The following FGGY variants were observed in gnomAD, a reference collection of about 807,000 sequenced individuals.
The protein encoded by FGGY is FGGY carbohydrate kinase domain-containing protein.
FGGY carries 72 observed loss-of-function variants against 71.3 expected under a neutral mutation model. The ratio of observed to expected loss-of-function variants is 1.01; its 90% CI spans 0.84 to 1.23. The LOEUF (loss-of-function observed/expected upper bound fraction) is 1.23, where lower values mean the gene tolerates loss of function less well. Among genes scored for constraint, FGGY ranks in the 50% most tolerant of loss-of-function variants. The probability of loss-of-function intolerance (pLI) is 0.00; values close to 1 mark genes in which losing one functional copy is unlikely to be tolerated. For missense variants in FGGY, 668 were observed against 682.3 expected (o/e 0.98, Z 0.23); for synonymous variants, 251 against 250.3 (o/e 1.00, Z -0.02).
chr1:59,530,486 G>A lies in FGGY; in HGVS notation c.799+18047G>A, dbSNP rs189307633. Among the ~76,000 whole-genome samples the A allele has an allele frequency of 1.8e-3, 278 of 152,240 alleles. 5 individuals are homozygous for A. In the South Asian group the frequency reaches 0.033, roughly 18 times the overall value. Reference sequence around the variant, plus strand: ...GGACAAACAGGCAAGTAAGCCATCCGAGTATGATGTGGAAAGTGTCTGATA... The same window carrying A: ...GGACAAACAGGCAAGTAAGCCATCCAAGTATGATGTGGAAAGTGTCTGATA... On this transcript the variant is annotated intron_variant, in intron 7 of 15. Coordinates refer to ENST00000303721, the MANE Select transcript of FGGY (RefSeq NM_018291.5).
At chr1:59,626,498 A>T (rs904312159) in intron 10 of FGGY, 2 of 153,344 alleles carry the variant, frequency 1.3e-5, no homozygotes, top group African/African-American at 4.8e-5. Flanking sequence ...TTTACGATAT[A>T]CTCCCTTTCA....
At chr1:59,368,056 T>A (rs2056877424) in intron 4 of FGGY, among the ~76,000 whole-genome samples, 1 of 152,210 alleles carries the variant, frequency 6.6e-6, no homozygotes, top group South Asian at 2.1e-4. Flanking sequence ...TAGTTTTTGT[T>A]AGTTGCCTGG....
rs768367013 is a variant in FGGY at position 59,457,061 on chromosome 1, A to T, written c.655A>T (p.Asn219Tyr). The part of the protein sequence containing the change: ...MIGLEDFVAD[N>Y]YSKIGNQVLP... ...TGGTTTGGAAGACTTTGTTGCAGAT[A>T]ATTACAGCAAAATAGGTAAAAGAAT... The change falls in exon 6 of 16, where the codon AAT (asparagine) becomes TAT (tyrosine). Residue 219 changes from asparagine to tyrosine, a missense_variant. Asn to Tyr is a moderately radical substitution (Grantham distance 143). Coordinates refer to ENST00000303721, the MANE Select transcript of FGGY (RefSeq NM_018291.5). The T allele has an allele frequency of 6.2e-7, 1 of 1,612,232 alleles. No homozygotes were observed. The highest frequency in any genetic ancestry group is 2.2e-5 in the East Asian group (1 of 44,856).
At chr1:59,688,397 A>G (rs2097562322) in intron 14 of FGGY, among the ~76,000 whole-genome samples, 1 of 152,236 alleles carries the variant, frequency 6.6e-6, no homozygotes, top group Non-Finnish European at 1.5e-5. Flanking sequence ...TGGGACTTAT[A>G]TCTGTTCCTC....
chr1:59,654,053 A>C (rs559361214), intron 11 of FGGY, among the ~76,000 whole-genome samples: 8 of 152,308 alleles, frequency 5.3e-5, no homozygotes, highest in African/African-American at 1.7e-4. Context: ...TTAGTGTTTA[A>C]TTGAATAACC....
At chr1:59,671,115 C>A (rs1462008276) in intron 13 of FGGY, among the ~76,000 whole-genome samples, 1 of 152,172 alleles carries the variant, frequency 6.6e-6, no homozygotes. Context: ...CTAAGAAGAA[C>A]AGTAATGTCC....
chr1:59,674,920 C>T (rs898353401), intron 14 of FGGY, among the ~76,000 whole-genome samples: 2 of 152,186 alleles, frequency 1.3e-5, no homozygotes, highest in African/African-American at 4.8e-5. Flanking sequence ...AGCTTGATTA[C>T]CTACCAGCTC....
At chr1:59,642,629 A>G (rs1041091848) in intron 11 of FGGY, among the ~76,000 whole-genome samples, 3 of 151,082 alleles carry the variant, frequency 2.0e-5, no homozygotes, top group African/African-American at 7.3e-5. Context: ...CCGTCTCAAA[A>G]AAAAAAAAAA....
chr1:59,511,544 G>C (rs2094518624), intron 6 of FGGY, among the ~76,000 whole-genome samples: 1 of 152,088 alleles, frequency 6.6e-6, no homozygotes, highest in South Asian at 2.1e-4. Flanking sequence ...TTCTTATCTT[G>C]TCTTCCTAAC....
chr1:59,762,705 A>C lies in FGGY; in HGVS notation c.*121A>C. On this transcript the variant is annotated 3_prime_UTR_variant, in exon 16 of 16. Coordinates refer to ENST00000303721, the MANE Select transcript of FGGY (RefSeq NM_018291.5). ...ATCATTTCTGTATTGTCTTTCAATAAAGAAAACAAACATGTGCAACCAGAA... is the reference window on the plus strand; with the variant it reads ...ATCATTTCTGTATTGTCTTTCAATACAGAAAACAAACATGTGCAACCAGAA... The C allele has an allele frequency of 4.2e-6, 3 of 716,594 alleles. No homozygotes were observed. Among genetic ancestry groups the C allele is most frequent in the Non-Finnish European group, 7.0e-6 (3 of 426,502 alleles). 44.4% of individuals were successfully genotyped at this position (716,594 alleles called of 1,614,324 possible).
At chr1:59,668,878 C>T (rs2097349260) in intron 13 of FGGY, among the ~76,000 whole-genome samples, 1 of 151,116 alleles carries the variant, frequency 6.6e-6, no homozygotes, top group Non-Finnish European at 1.5e-5. Flanking sequence ...GTAATCCCAG[C>T]TACTGGGGAG....
chr1:59,473,373 G>C (rs1332584808), intron 6 of FGGY, among the ~76,000 whole-genome samples: 4 of 152,142 alleles, frequency 2.6e-5, no homozygotes, highest in Non-Finnish European at 5.9e-5. Flanking sequence ...GAACACATCT[G>C]AACATCAGAA....
In FGGY at chr1:59,585,116, T is replaced by C. The variant is rs563047229; in HGVS notation, c.904-22687T>C. Among the ~76,000 whole-genome samples, 497 of 152,256 alleles carry C rather than the reference T, an allele frequency of 3.3e-3. 4 individuals are homozygous for C. Among genetic ancestry groups the C allele is most frequent in the African/African-American group, 0.011 (476 of 41,516 alleles). ...TGCCCAAGGTAATTTATAGATTCAA[T>C]GCCATCCCCATCAAGCTACCAATGA... On this transcript the variant is annotated intron_variant, in intron 8 of 15. Transcript: ENST00000303721.
intron 10 of FGGY, among the ~76,000 whole-genome samples, chr1:59,636,792 A>C (rs2096964759): frequency 6.6e-6 from 1 of 152,212 alleles, no homozygotes; most frequent in Admixed American, 6.5e-5. Context: ...ACCCAATCAC[A>C]AACTAGAACT....
At chr1:59,366,878 A>G (rs1008214468) in intron 4 of FGGY, among the ~76,000 whole-genome samples, 12 of 152,194 alleles carry the variant, frequency 7.9e-5, no homozygotes, top group African/African-American at 2.9e-4. Context: ...GGGAAAGTCA[A>G]TTCAAGTAGA....
chr1:59,379,840 T>C (rs1264425384), intron 5 of FGGY, among the ~76,000 whole-genome samples: 1 of 152,156 alleles, frequency 6.6e-6, no homozygotes, highest in African/African-American at 2.4e-5. Context: ...AGGGTACATG[T>C]GCACAACCTG....
At chr1:59,586,067 G>A (rs1223698624) in intron 8 of FGGY, among the ~76,000 whole-genome samples, 2 of 152,226 alleles carry the variant, frequency 1.3e-5, no homozygotes, top group South Asian at 2.1e-4. Flanking sequence ...TGTTGGGACT[G>A]TAAACTAGTT....
chr1:59,382,595 T>A (rs535567947), intron 5 of FGGY, among the ~76,000 whole-genome samples: 70 of 152,310 alleles, frequency 4.6e-4, no homozygotes, highest in Admixed American at 2.5e-3. Flanking sequence ...CCTCTTTTGG[T>A]GTGATGTTAA....
intron 9 of FGGY, among the ~76,000 whole-genome samples, chr1:59,622,207 A>T (rs551368220): frequency 6.6e-6 from 1 of 152,070 alleles, no homozygotes; most frequent in Non-Finnish European, 1.5e-5. Flanking sequence ...TTTAATAACT[A>T]TGAGAATATT....
Sources: allele counts gnomAD v4.1 joint callset (sites outside exome capture counted in the v4.1 genomes callset), GRCh38; gene constraint gnomAD v4.1.1; transcripts MANE v1.5; gene names NCBI Gene and HGNC (gene_info 2026-07-23, HGNC 2026-07-21).